The following SGCD variants were observed in gnomAD, a reference collection of about 807,000 sequenced individuals.
The protein encoded by SGCD is delta-sarcoglycan.
Under a neutral mutation model 36.6 loss-of-function variants are expected in SGCD, and 18 were observed. The observed-to-expected ratio is 0.49, with a 90% CI of 0.34 to 0.73. The LOEUF (loss-of-function observed/expected upper bound fraction) is 0.73, where lower values mean the gene tolerates loss of function less well. Ranked by LOEUF, SGCD falls within the 30% of genes least tolerant of loss-of-function variation. The pLI is 0.01. For missense variants in SGCD, 387 were observed against 346.7 expected (o/e 1.12, Z -0.92); for synonymous variants, 133 against 130.6 (o/e 1.02, Z -0.12).
chr5:155,811,920 A>G, the SGCD span, among the ~76,000 whole-genome samples: 1 of 152,146 alleles, frequency 6.6e-6, no homozygotes, highest in Admixed American at 6.5e-5. Flanking sequence ...GTGCATTTGT[A>G]TGTAGAAGTA....
At chr5:155,954,674 C>T (rs1199849010) in intron 1 of SGCD, among the ~76,000 whole-genome samples, 1 of 151,242 alleles carries the variant, frequency 6.6e-6, no homozygotes, top group African/African-American at 2.4e-5. Context: ...AGTGTCTTTA[C>T]CAACTTTGTT....
At chr5:156,499,088 G>A (rs1756338950) in intron 3 of SGCD, among the ~76,000 whole-genome samples, 1 of 152,100 alleles carries the variant, frequency 6.6e-6, no homozygotes, top group Admixed American at 6.6e-5. Context: ...TAATAGTGTA[G>A]CATGGCATGT....
intron 3 of SGCD, among the ~76,000 whole-genome samples, chr5:156,146,397 G>A (rs568443274): frequency 5.9e-5 from 9 of 152,174 alleles, no homozygotes; most frequent in South Asian, 2.1e-4. Flanking sequence ...CACGTTAACC[G>A]AATGTTACAA....
At chr5:156,758,550 T>A (rs1757422401) in intron 8 of SGCD, among the ~76,000 whole-genome samples, 1 of 152,136 alleles carries the variant, frequency 6.6e-6, no homozygotes, top group African/African-American at 2.4e-5. Flanking sequence ...GTCAGAACAT[T>A]CAGTTATCAC....
intron 1 of SGCD, among the ~76,000 whole-genome samples, chr5:156,072,617 G>C (rs908369308): frequency 6.6e-6 from 1 of 152,176 alleles, no homozygotes; most frequent in African/African-American, 2.4e-5. Flanking sequence ...TCTTGGAGTT[G>C]TTCTTCTTGA....
Position 156,250,503 on chromosome 5 carries a change from G to C in SGCD, c.-43-79031G>C, listed in dbSNP as rs143682905. On this transcript the variant is annotated intron_variant, in intron 3 of 9. Transcript: ENST00000517913. ...GACTGGGGATTGGTGTCCAGCTCCTGCCCTACCACTAATGAGCTGTGAGAC... is the reference window on the plus strand; with the variant it reads ...GACTGGGGATTGGTGTCCAGCTCCTCCCCTACCACTAATGAGCTGTGAGAC... 2.3e-3 allele frequency among the ~76,000 whole-genome samples: 353 copies of C among 152,254 alleles called. 1 individual carries two copies. Among genetic ancestry groups the C allele is most frequent in the African/African-American group, 8.3e-3 (344 of 41,552 alleles).
intron 3 of SGCD, among the ~76,000 whole-genome samples, chr5:156,213,303 A>G (rs1179050501): frequency 6.6e-6 from 1 of 152,004 alleles, no homozygotes; most frequent in African/African-American, 2.4e-5. Context: ...AAGACATTAC[A>G]AGTGAGACCA....
intron 1 of SGCD, among the ~76,000 whole-genome samples, chr5:155,973,315 C>G (rs1758043414): frequency 6.6e-6 from 1 of 152,058 alleles, no homozygotes; most frequent in Non-Finnish European, 1.5e-5. Flanking sequence ...AAAATTAGTC[C>G]TGAAAGATGA....
rs368567418 is a variant in SGCD, at chr5:156,080,550, A to G, written c.-281-37328A>G. ...TTTCATTGCTCCCACATCTGAGCAT[A>G]AGCTATTAAAAGCAGCCAGGCCATT... On this transcript the variant is annotated intron_variant, in intron 1 of 9. Coordinates refer to the SGCD transcript ENST00000517913. Among the ~76,000 whole-genome samples the G allele has an allele frequency of 3.9e-4, 60 of 152,354 alleles. 2 individuals carry two copies. The South Asian group carries it at 0.012, about 31-fold the overall frequency.
At chr5:156,336,703 G>C (rs1237417676) in intron 2 of SGCD, among the ~76,000 whole-genome samples, 1 of 152,340 alleles carries the variant, frequency 6.6e-6, no homozygotes, top group South Asian at 2.1e-4. Context: ...AAACATTTCT[G>C]TAAGGATAAA....
intron 6 of SGCD, among the ~76,000 whole-genome samples, chr5:156,645,611 A>G (rs1040985709): frequency 6.6e-6 from 1 of 152,162 alleles, no homozygotes; most frequent in African/African-American, 2.4e-5. Context: ...GGAGTGATCA[A>G]AGGCATCAGT....
chr5:156,746,876 A>G (rs1440422772), intron 7 of SGCD, among the ~76,000 whole-genome samples: 2 of 152,046 alleles, frequency 1.3e-5, no homozygotes, highest in Non-Finnish European at 2.9e-5. Flanking sequence ...TATCAAAATT[A>G]AAATAAAAAT....
chr5:156,422,307 C>A (rs1470735930), intron 3 of SGCD, among the ~76,000 whole-genome samples: 2 of 152,038 alleles, frequency 1.3e-5, no homozygotes, highest in African/African-American at 4.8e-5. Flanking sequence ...AATGATGTGA[C>A]CCAATAACAA....
intron 1 of SGCD, among the ~76,000 whole-genome samples, chr5:155,926,573 A>G (rs1053533742): frequency 1.3e-5 from 2 of 152,260 alleles, no homozygotes; most frequent in Non-Finnish European, 2.9e-5. Context: ...CTATAGTCCA[A>G]TAATTCCTTT....
chr5:156,228,698 C>A (rs887287344), intron 3 of SGCD, among the ~76,000 whole-genome samples: 1 of 151,908 alleles, frequency 6.6e-6, no homozygotes, highest in South Asian at 2.1e-4. Context: ...TGCCTGTATA[C>A]CGTGGTTTTT....
the SGCD span, among the ~76,000 whole-genome samples, chr5:155,808,979 C>A: frequency 1.3e-5 from 2 of 152,226 alleles, no homozygotes; most frequent in Non-Finnish European, 2.9e-5. Context: ...GTTTTCATTG[C>A]ATTAGCTACT....
At chr5:156,298,683 A>T (rs760944112) in intron 3 of SGCD, among the ~76,000 whole-genome samples, 1 of 145,630 alleles carries the variant, frequency 6.9e-6, no homozygotes, top group Non-Finnish European at 1.5e-5. Flanking sequence ...CACCCACCTC[A>T]GCCTCCCACA....
intron 3 of SGCD, among the ~76,000 whole-genome samples, chr5:156,151,434 A>G (rs751503756): frequency 6.6e-6 from 1 of 151,542 alleles, no homozygotes; most frequent in Non-Finnish European, 1.5e-5. Context: ...AAGATTCCTT[A>G]TTTTCTTTAG....
chr5:156,590,372 A>G (rs1041242259), intron 5 of SGCD, among the ~76,000 whole-genome samples: 1 of 152,138 alleles, frequency 6.6e-6, no homozygotes, highest in African/African-American at 2.4e-5. Flanking sequence ...CCATCTGCCA[A>G]TCAAGAAACT....
Sources: allele counts gnomAD v4.1 joint callset (sites outside exome capture counted in the v4.1 genomes callset), GRCh38; gene constraint gnomAD v4.1.1; transcripts MANE v1.5; gene names NCBI Gene and HGNC (gene_info 2026-07-23, HGNC 2026-07-21).